NPNT: variants seen among roughly 807,000 people sequenced by gnomAD.
The protein encoded by NPNT is nephronectin, also known as preosteoblast EGF-like repeat protein with MAM domain.
NPNT carries 45 observed loss-of-function variants against 68.6 expected under a neutral mutation model. That is an observed-to-expected ratio of 0.66 (90% CI 0.52 to 0.84). NPNT has a LOEUF of 0.84. Among genes scored for constraint, NPNT ranks in the 40% least tolerant of loss-of-function variants. NPNT has a pLI of 0.00. For missense variants in NPNT, 672 were observed against 714.8 expected (o/e 0.94, Z 0.68); for synonymous variants, 233 against 253.3 (o/e 0.92, Z 0.76).
At chr4:105,960,313 G>C (rs1731621103) in intron 10 of NPNT, among the ~76,000 whole-genome samples, 1 of 152,194 alleles carries the variant, frequency 6.6e-6, no homozygotes. Context: ...AAGTTAACTT[G>C]AGAGAGCTCA....
intron 10 of NPNT, among the ~76,000 whole-genome samples, chr4:105,963,622 TCTC>T (rs1485030567): frequency 1.3e-5 from 2 of 151,732 alleles, no homozygotes; most frequent in Non-Finnish European, 2.9e-5. Context: ...GACACACCCT[TCTC>T]CTGTGTGTGT....
rs1014448942 is a variant in NPNT, at chr4:105,959,523, C to CTT, written c.1345+412_1345+413dup. Among the ~76,000 whole-genome samples, 192 of 129,620 alleles carry CTT rather than the reference C, an allele frequency of 1.5e-3. 1 individual carries two copies. Among genetic ancestry groups the CTT allele is most frequent in the African/African-American group, 4.3e-3 (153 of 35,760 alleles). The allele number at this position is 129,620 out of a possible 152,430, so 85.0% of individuals were successfully genotyped here. ...GTTGTTTTTTCTTTGTTTTTCTTTT[C>CTT]TTTTTTTTTTTTTTTTAAGATTTGA... On this transcript the variant is annotated intron_variant, in intron 10 of 11. Coordinates refer to ENST00000379987, the MANE Select transcript of NPNT (RefSeq NM_001033047.3).
At chr4:105,910,774 A>G (rs1321771752) in intron 2 of NPNT, among the ~76,000 whole-genome samples, 1 of 152,158 alleles carries the variant, frequency 6.6e-6, no homozygotes, top group Non-Finnish European at 1.5e-5. Flanking sequence ...AGATCTATGT[A>G]TTTCAAGGCT....
chr4:105,916,398 T>G (rs1354129365), intron 2 of NPNT, among the ~76,000 whole-genome samples: 1 of 151,970 alleles, frequency 6.6e-6, no homozygotes, highest in Non-Finnish European at 1.5e-5. Context: ...TTTTTTTTTT[T>G]TTTTCAGTAG....
intron 7 of NPNT, 42 bp downstream of exon 7, chr4:105,940,678 A>G: frequency 6.3e-7 from 1 of 1,588,852 alleles, no homozygotes; most frequent in African/African-American, 1.3e-5. Context: ...CTAGCAGGAA[A>G]TACAGGATTA....
intron 2 of NPNT, among the ~76,000 whole-genome samples, chr4:105,924,741 G>T (rs1258389065): frequency 6.6e-6 from 1 of 152,092 alleles, no homozygotes; most frequent in Non-Finnish European, 1.5e-5. Context: ...CTGGTCAGGG[G>T]GTCCAAAGGC....
chr4:105,944,399 A>G (rs886830402), intron 8 of NPNT, among the ~76,000 whole-genome samples: 3 of 152,158 alleles, frequency 2.0e-5, no homozygotes, highest in South Asian at 4.1e-4. Flanking sequence ...TTGGCTATTT[A>G]ATGTAAGATG....
chr4:105,898,300 CTCTCTCTCTCTG>C lies in NPNT; in HGVS notation c.172+311_172+322del, dbSNP rs1726061573. Among the ~76,000 whole-genome samples, 36 of 126,790 alleles carry C rather than the reference CTCTCTCTCTCTG, an allele frequency of 2.8e-4. 1 individual carries two copies. The South Asian group carries it at 7.8e-3, about 28-fold the overall frequency. 83.2% of individuals were successfully genotyped at this position (126,790 alleles called of 152,430 possible). A position where few individuals can be genotyped will look rare whatever the true frequency, so the allele number is the denominator to read the frequency against. On this transcript the variant is annotated intron_variant, in intron 2 of 11. Transcript: ENST00000379987. ...TCTTACCAGGTTTATTTCTCTCTCT[CTCTCTCTCTCTG>C]TCTCTCTCTCTCTCTGTCTCTCTCT... is the stretch of plus-strand genomic sequence containing the variant.
chr4:105,923,902 G>A (rs1198858159), intron 2 of NPNT, among the ~76,000 whole-genome samples: 1 of 152,162 alleles, frequency 6.6e-6, no homozygotes, highest in Non-Finnish European at 1.5e-5. Flanking sequence ...AAGGGAAAGA[G>A]ATATTGGTAA....
intron 2 of NPNT, among the ~76,000 whole-genome samples, chr4:105,907,906 T>A (rs1727043049): frequency 6.6e-6 from 1 of 152,130 alleles, no homozygotes; most frequent in Non-Finnish European, 1.5e-5. Flanking sequence ...AAAGCCAGAA[T>A]GAAGGAGTAT....
chr4:105,945,906 T>C (rs1414069267), intron 8 of NPNT, among the ~76,000 whole-genome samples: 2 of 152,236 alleles, frequency 1.3e-5, no homozygotes, highest in African/African-American at 2.4e-5. Flanking sequence ...ACAAATTTTT[T>C]AATGTTAGCA....
intron 3 of NPNT, among the ~76,000 whole-genome samples, chr4:105,932,333 CTT>C (rs1438742918): frequency 5.9e-5 from 9 of 152,014 alleles, no homozygotes; most frequent in South Asian, 2.1e-4. Flanking sequence ...ATGATGATCT[CTT>C]GTTTGGAATT....
At chr4:105,940,737 T>C in intron 7 of NPNT, 101 bp downstream of exon 7, 2 of 1,044,928 alleles carry the variant, frequency 1.9e-6, no homozygotes, top group Admixed American at 4.5e-5. Flanking sequence ...ATCAAAGAAG[T>C]ATAATTGTCA....
In NPNT at chr4:105,940,459, T is replaced by G. The variant is rs1729847662; in HGVS notation, c.641-55T>G. Reference sequence around the variant, plus strand: ...TTTTTGAAACTGTATATATTTTTTATGTCATCATATTTATCTCCTAAATAA... The same window carrying G: ...TTTTTGAAACTGTATATATTTTTTAGGTCATCATATTTATCTCCTAAATAA... On this transcript the variant is annotated intron_variant, in intron 6 of 11. Coordinates refer to ENST00000379987, the MANE Select transcript of NPNT (RefSeq NM_001033047.3). 5 of 1,527,758 alleles carry G rather than the reference T, an allele frequency of 3.3e-6. No homozygotes were observed. In the South Asian group the frequency reaches 3.5e-5, roughly 11 times the overall value. The allele number at this position is 1,527,758 out of a possible 1,614,324, so 94.6% of individuals were successfully genotyped here. A position where few individuals can be genotyped will look rare whatever the true frequency, so the allele number is the denominator to read the frequency against.
intron 8 of NPNT, among the ~76,000 whole-genome samples, chr4:105,949,025 C>T (rs1368376604): frequency 4.6e-5 from 7 of 152,100 alleles, no homozygotes; most frequent in Admixed American, 2.6e-4. Flanking sequence ...TCTGATGTAG[C>T]GTAAAATTCT....
chr4:105,932,777 A>C (rs141481236), intron 3 of NPNT: 1 of 1,069,130 alleles, frequency 9.4e-7, no homozygotes, highest in Non-Finnish European at 1.4e-6. Context: ...ACTTCTTGCA[A>C]ATGTTCTGAA....
At chr4:105,922,661 A>G (rs1285365165) in intron 2 of NPNT, among the ~76,000 whole-genome samples, 2 of 152,086 alleles carry the variant, frequency 1.3e-5, no homozygotes, top group African/African-American at 4.8e-5. Flanking sequence ...AGAGGCTTGG[A>G]CATGTGACAT....
chr4:105,899,890 G>A (rs557746127), intron 2 of NPNT, among the ~76,000 whole-genome samples: 64 of 152,198 alleles, frequency 4.2e-4, no homozygotes, highest in Non-Finnish European at 8.1e-4. Flanking sequence ...GCAGGTAGAG[G>A]AATGTGGGGC....
At chr4:105,906,016 A>G (rs558250000) in intron 2 of NPNT, among the ~76,000 whole-genome samples, 1 of 152,314 alleles carries the variant, frequency 6.6e-6, no homozygotes, top group South Asian at 2.1e-4. Flanking sequence ...GAAAGTATAT[A>G]AAGTGGCTTC....
Sources: gnomAD v4.1 joint callset for allele counts (sites outside exome capture counted in the v4.1 genomes callset) on GRCh38, gnomAD v4.1.1 for gene constraint, MANE v1.5 for transcripts, NCBI Gene and HGNC (gene_info 2026-07-23, HGNC 2026-07-21) for gene names.